IL16: variants seen among roughly 807,000 people sequenced by gnomAD.
IL16 encodes the protein interleukin 16, also known as pro-interleukin-16.
In IL16, 67 loss-of-function variants were observed where a neutral mutation model predicts 110.1. The observed-to-expected ratio is 0.61, with a 90% CI of 0.50 to 0.75. The LOEUF (loss-of-function observed/expected upper bound fraction) is 0.75. Among genes scored for constraint, IL16 ranks in the 30% least tolerant of loss-of-function variants. The pLI, the probability that IL16 is intolerant of heterozygous loss-of-function variation, is 0.00. For synonymous variants in IL16, 689 were observed against 662.9 expected (o/e 1.04, Z -0.61); for missense variants, 1,545 against 1,655.0 (o/e 0.93, Z 1.15).
rs772641346 is a variant in IL16 at position 81,273,085 on chromosome 15, C to T, written c.676-5C>T. 3 of 1,610,330 alleles carry T rather than the reference C, an allele frequency of 1.9e-6. No homozygotes were observed. The South Asian group carries it at 3.3e-5, about 18-fold the overall frequency. On this transcript the variant is annotated splice_region_variant and splice_polypyrimidine_tract_variant and intron_variant, in intron 5 of 18. Transcript: ENST00000683961. ...CTAAATCAGACCTTCTCTTTTTTTC[C>T]CCAGGGTCTGGGCTTCAGCATCGTT...
Position 81,259,879 on chromosome 15 carries a change from C to T in IL16, c.420C>T (p.Thr140=), listed in dbSNP as rs530049063. ...ACHQRARSNS[T]SVNPYCTREI... ...ACCAAAGGGCACGCAGCAACTCAACCAGTAAGTGTCTTCCCAACATGTCTT... is the reference window on the plus strand; with the variant it reads ...ACCAAAGGGCACGCAGCAACTCAACTAGTAAGTGTCTTCCCAACATGTCTT... The change falls in exon 3 of 19, where the codon ACC becomes ACT. Residue 140 remains threonine (T), a splice_region_variant and synonymous_variant. Coordinates refer to ENST00000683961, the MANE Select transcript of IL16 (RefSeq NM_172217.5). 12 of 1,575,592 alleles carry T rather than the reference C, an allele frequency of 7.6e-6. No individual in the cohort carries two copies. The East Asian group carries it at 2.2e-4, about 29-fold the overall frequency.
At position 81,299,540 on chromosome 15, in the gene IL16, A is replaced by G. The variant is rs1392627960; in HGVS notation, c.2214A>G (p.Leu738=). The G allele has an allele frequency of 2.5e-6, 4 of 1,614,086 alleles. No individual in the cohort carries two copies. In the African/African-American group the frequency reaches 5.3e-5, roughly 22 times the overall value. The change falls in exon 14 of 19, where the codon CTA becomes CTG. Residue 738 remains leucine (L), a synonymous_variant. Coordinates refer to ENST00000683961, the MANE Select transcript of IL16 (RefSeq NM_172217.5). ...IMSENHGHMP[L]QPNASLNEEE... is the part of the protein sequence containing the mutation. ...GTGAGAACCATGGCCACATGCCTCT[A>G]CAGCCCAATGCCAGCCTGAATGAAG... is the stretch of plus-strand genomic sequence containing the variant.
chr15:81,260,646 G>A (rs1360999704), intron 3 of IL16, among the ~76,000 whole-genome samples: 1 of 152,170 alleles, frequency 6.6e-6, no homozygotes, highest in African/African-American at 2.4e-5. Flanking sequence ...AGTTTGTGAT[G>A]ATCTTTCAAA....
In IL16 at chr15:81,313,027, A is replaced by C. The variant is rs755919814; in HGVS notation, c.*4229A>C. 5.9e-5 allele frequency: 21 copies of C among 356,986 alleles called. No individual in the cohort carries two copies. Among genetic ancestry groups the C allele is most frequent in the Non-Finnish European group, 9.4e-5 (19 of 201,362 alleles). The allele number at this position is 356,986 out of a possible 1,614,324, so 22.1% of individuals were successfully genotyped here. On this transcript the variant is annotated 3_prime_UTR_variant, in exon 19 of 19. Coordinates refer to ENST00000683961, the MANE Select transcript of IL16 (RefSeq NM_172217.5). ...AGAGGCGTGTTTGGGTAACAGGCAG[A>C]TGGAGTTTGGAACACATGAATGGCT...
At chr15:81,266,016 C>T (rs77830913) in intron 4 of IL16, among the ~76,000 whole-genome samples, 1,563 of 152,344 alleles carry the variant, frequency 0.01, 14 homozygotes, top group African/African-American at 0.026. Context: ...CCCCTTGTGC[C>T]AGGCACTTGC....
intron 2 of IL16, among the ~76,000 whole-genome samples, chr15:81,258,947 A>G (rs1214761348): frequency 6.6e-6 from 1 of 152,100 alleles, no homozygotes; most frequent in Non-Finnish European, 1.5e-5. Flanking sequence ...TAAAATAATT[A>G]ATACCGTCAT....
chr15:81,268,170 G>A (rs144574311), intron 4 of IL16, among the ~76,000 whole-genome samples: 91 of 152,354 alleles, frequency 6.0e-4, no homozygotes, highest in African/African-American at 2.1e-3. Flanking sequence ...GGTATTTCCT[G>A]GGTGACTTTG....
At chr15:81,242,015 T>C (rs1449192388) in intron 2 of IL16, among the ~76,000 whole-genome samples, 1 of 151,760 alleles carries the variant, frequency 6.6e-6, no homozygotes, top group African/African-American at 2.4e-5. Context: ...TGAAAAAAAC[T>C]ATCTTCCATT....
chr15:81,221,384 G>A, intron 1 of IL16, among the ~76,000 whole-genome samples: 1 of 152,202 alleles, frequency 6.6e-6, no homozygotes, highest in East Asian at 1.9e-4. Flanking sequence ...AGAGCCTGGG[G>A]AAAGATAAGG....
At chr15:81,195,108 C>G (rs1895563402), upstream of IL16, among the ~76,000 whole-genome samples, 1 of 152,120 alleles carries the variant, frequency 6.6e-6, no homozygotes, top group African/African-American at 2.4e-5. Context: ...AAAATCAGGG[C>G]CAAGTCTCAA....
At position 81,306,078 on chromosome 15, in the gene IL16, G is replaced by A; in HGVS notation, c.3591G>A (p.Lys1197=). ...EPRQAVIVTR[K]LTPEAMPDLN... ...GGCAAGCTGTGATTGTCACAAGGAA[G>A]CTGACTCCAGAGGCCATGCCCGACC... Residue 1197 remains lysine (K), a synonymous_variant, in exon 17 of 19, where the codon AAG becomes AAA. Coordinates refer to ENST00000683961, the MANE Select transcript of IL16 (RefSeq NM_172217.5). 1 of 1,614,216 alleles carries A rather than the reference G, an allele frequency of 6.2e-7. No homozygotes were observed. Among genetic ancestry groups the A allele is most frequent in the Non-Finnish European group, 8.5e-7 (1 of 1,180,054 alleles).
At chr15:81,214,860 T>C (rs1014653863) in intron 1 of IL16, among the ~76,000 whole-genome samples, 1 of 152,208 alleles carries the variant, frequency 6.6e-6, no homozygotes, top group African/African-American at 2.4e-5. Context: ...ATTGAGTGGA[T>C]TCAAGGAACC....
At chr15:81,197,704 TTTTTTG>T (rs1344974030) in intron 1 of IL16, among the ~76,000 whole-genome samples, 1 of 151,922 alleles carries the variant, frequency 6.6e-6, no homozygotes, top group African/African-American at 2.4e-5. Context: ...GGATTGGTGT[TTTTTTG>T]TTTTTGTTTT....
At chr15:81,230,655 A>G (rs1159204619) in intron 2 of IL16, among the ~76,000 whole-genome samples, 1 of 152,192 alleles carries the variant, frequency 6.6e-6, no homozygotes, top group Non-Finnish European at 1.5e-5. Context: ...GGGGAATTAT[A>G]TCCTACAAAG....
chr15:81,197,797 GA>G (rs1306784392), intron 1 of IL16, among the ~76,000 whole-genome samples: 1 of 152,016 alleles, frequency 6.6e-6, no homozygotes, highest in African/African-American at 2.4e-5. Context: ...AACAGCATAA[GA>G]ATAGAGGTTC....
chr15:81,285,182 C>T (rs988468218), intron 9 of IL16, among the ~76,000 whole-genome samples: 1 of 152,014 alleles, frequency 6.6e-6, no homozygotes. Flanking sequence ...GCAAGAATCT[C>T]AACTGCTCTC....
At chr15:81,222,794 GT>G (rs1896663076) in intron 1 of IL16, among the ~76,000 whole-genome samples, 1 of 151,540 alleles carries the variant, frequency 6.6e-6, no homozygotes. Context: ...ATCTTTCCCT[GT>G]GAAACCCTGG....
chr15:81,191,951 T>G (rs2141923472), upstream of IL16, among the ~76,000 whole-genome samples: 1 of 152,286 alleles, frequency 6.6e-6, no homozygotes, highest in South Asian at 2.1e-4. Flanking sequence ...TTGGGTATTA[T>G]TTTGGAAAAC....
chr15:81,307,186 C>G (rs1360627444), intron 18 of IL16, among the ~76,000 whole-genome samples: 1 of 152,142 alleles, frequency 6.6e-6, no homozygotes. Context: ...TGGTGTTCCT[C>G]AAATTGGAGG....
Sources: allele counts gnomAD v4.1 joint callset (sites outside exome capture counted in the v4.1 genomes callset), GRCh38; gene constraint gnomAD v4.1.1; transcripts MANE v1.5; gene names NCBI Gene and HGNC (gene_info 2026-07-23, HGNC 2026-07-21).